CLEC4A: variants seen among roughly 807,000 people sequenced by gnomAD.
The protein encoded by CLEC4A is C-type (calcium dependent, carbohydrate-recognition domain) lectin, superfamily member 6.
CLEC4A carries 27 observed loss-of-function variants against 32.7 expected under a neutral mutation model. That is an observed-to-expected ratio of 0.83 (90% CI 0.61 to 1.14). The LOEUF is 1.14. Ranked by LOEUF, CLEC4A falls within the 50% of genes most tolerant of loss-of-function variation. The pLI is 0.00. For missense variants in CLEC4A, 253 were observed against 274.6 expected (o/e 0.92, Z 0.55); for synonymous variants, 89 against 93.7 (o/e 0.95, Z 0.29).
At chr12:8,103,183 T>G in the CLEC4A span, among the ~76,000 whole-genome samples, 2 of 152,116 alleles carry the variant, frequency 1.3e-5, no homozygotes, top group Non-Finnish European at 2.9e-5. Context: ...AGCTTACATG[T>G]TAACCCCAAA....
In CLEC4A at chr12:8,138,337, G is replaced by A. The variant is rs1364253128; in HGVS notation, c.*50G>A. The A allele has an allele frequency of 1.9e-6, 3 of 1,600,038 alleles. No homozygotes were observed. The highest frequency in any genetic ancestry group is 2.6e-6 in the Non-Finnish European group (3 of 1,169,616). On this transcript the variant is annotated 3_prime_UTR_variant, in exon 6 of 6. Transcript: ENST00000229332. ...GGTTGGATTGGTATCTGTCATTGTA[G>A]GGATAGATAATAAGCTCTTCTTATT...
At chr12:8,113,924 C>T in the CLEC4A span, among the ~76,000 whole-genome samples, 1 of 152,178 alleles carries the variant, frequency 6.6e-6, no homozygotes, top group Admixed American at 6.5e-5. Flanking sequence ...TTCCTTCCAT[C>T]ATTGGATCAG....
At chr12:8,103,373 G>GTGTT in the CLEC4A span, among the ~76,000 whole-genome samples, 1 of 78,036 alleles carries the variant, frequency 1.3e-5, no homozygotes, top group African/African-American at 5.5e-5. Context: ...GTTTCTTTCT[G>GTGTT]TTGTTTTTTT....
At chr12:8,110,511 A>G in the CLEC4A span, among the ~76,000 whole-genome samples, 7 of 152,102 alleles carry the variant, frequency 4.6e-5, no homozygotes, top group Non-Finnish European at 1.0e-4. Flanking sequence ...TTCTGCCTCA[A>G]ATACTTTTTT....
chr12:8,134,535 T>C, intron 3 of CLEC4A: 4 of 1,613,582 alleles, frequency 2.5e-6, no homozygotes, highest in Non-Finnish European at 3.4e-6. Flanking sequence ...CCCATCGGAG[T>C]TGCTCTCCAC....
At chr12:8,131,103 G>A (rs1008072650) in intron 3 of CLEC4A, among the ~76,000 whole-genome samples, 3 of 152,128 alleles carry the variant, frequency 2.0e-5, no homozygotes, top group African/African-American at 7.2e-5. Context: ...TGGGATTATT[G>A]GTTTTTGGGA....
intron 3 of CLEC4A, among the ~76,000 whole-genome samples, chr12:8,129,853 T>A (rs887867413): frequency 4.6e-5 from 7 of 152,222 alleles, no homozygotes. Flanking sequence ...GTTGTTTTTT[T>A]GAGACAGGGT....
At chr12:8,122,614 T>A (rs1355619821), upstream of CLEC4A, among the ~76,000 whole-genome samples, 2 of 151,898 alleles carry the variant, frequency 1.3e-5, no homozygotes, top group Admixed American at 1.3e-4. Flanking sequence ...ATTGACGACA[T>A]CCAGGAGATT....
intron 2 of CLEC4A, among the ~76,000 whole-genome samples, chr12:8,126,371 A>ATTTTTTTTT (rs55729993): frequency 8.6e-6 from 1 of 115,696 alleles, no homozygotes. Flanking sequence ...TGCTCAGCTA[A>ATTTTTTTTT]TTTTTTTTTT....
At chr12:8,118,693 A>T (rs1321229602), upstream of CLEC4A, among the ~76,000 whole-genome samples, 1 of 152,186 alleles carries the variant, frequency 6.6e-6, no homozygotes, top group Non-Finnish European at 1.5e-5. Flanking sequence ...GTCACCTCCT[A>T]CCAGGCCCAC....
chr12:8,104,157 A>C, the CLEC4A span, among the ~76,000 whole-genome samples: 7 of 85,720 alleles, frequency 8.2e-5, no homozygotes, highest in Admixed American at 1.6e-4. Context: ...CCATAGTGGC[A>C]GAAAATCTCA....
chr12:8,119,165 C>G (rs188407743), upstream of CLEC4A, among the ~76,000 whole-genome samples: 1 of 152,158 alleles, frequency 6.6e-6, no homozygotes, highest in African/African-American at 2.4e-5. Flanking sequence ...AATTAGCTAG[C>G]CTTGCTGCAA....
At chr12:8,115,666 G>T in the CLEC4A span, among the ~76,000 whole-genome samples, 1 of 152,158 alleles carries the variant, frequency 6.6e-6, no homozygotes, top group East Asian at 1.9e-4. Flanking sequence ...AGTTATATAG[G>T]TCTGAAGATG....
chr12:8,123,715 T>G lies in CLEC4A; in HGVS notation c.-164T>G. On this transcript the variant is annotated 5_prime_UTR_variant, in exon 1 of 6. The change abolishes an upstream ATG in the 5' untranslated region. Coordinates refer to ENST00000229332, the MANE Select transcript of CLEC4A (RefSeq NM_016184.4). ...TTTTTATTGTGGTTCTTAGTTCTCA[T>G]GAGACCCCTCTTGAGGATATGTGCC... 1.7e-6 allele frequency: 1 copy of G among 594,012 alleles called. No individual in the cohort carries two copies. Among genetic ancestry groups the G allele is most frequent in the South Asian group, 2.0e-5 (1 of 49,122 alleles). The allele number at this position is 594,012 out of a possible 1,614,324, so 36.8% of individuals were successfully genotyped here.
At chr12:8,120,586 A>G, upstream of CLEC4A, among the ~76,000 whole-genome samples, 1 of 152,186 alleles carries the variant, frequency 6.6e-6, no homozygotes, top group Non-Finnish European at 1.5e-5. Context: ...TTCCCTCATA[A>G]TAGGTACCAT....
At chr12:8,111,919 GTATA>G in the CLEC4A span, among the ~76,000 whole-genome samples, 183 of 132,244 alleles carry the variant, frequency 1.4e-3, no homozygotes, top group Middle Eastern at 3.8e-3. Flanking sequence ...ATGTGAGTGT[GTATA>G]TGTGTGTGTG....
chr12:8,136,796 C>T lies in CLEC4A; in HGVS notation c.459C>T (p.Ile153=). 6.2e-7 allele frequency: 1 copy of T among 1,609,794 alleles called. No individual in the cohort carries two copies. Residue 153 remains isoleucine (I), a synonymous_variant, in exon 5 of 6, where the codon ATC becomes ATT. Coordinates refer to ENST00000229332, the MANE Select transcript of CLEC4A (RefSeq NM_016184.4). ...VINTQEEQDF[I]FQNLQEESAY... is the part of the protein sequence containing the mutation. ...TTCTTTTCCCCCCTCAGGATTTCATCTTCCAGAATCTGCAAGAAGAATCTG... is the reference window on the plus strand; with the variant it reads ...TTCTTTTCCCCCCTCAGGATTTCATTTTCCAGAATCTGCAAGAAGAATCTG...
the CLEC4A span, among the ~76,000 whole-genome samples, chr12:8,116,362 A>G: frequency 6.6e-6 from 1 of 152,160 alleles, no homozygotes; most frequent in South Asian, 2.1e-4. Flanking sequence ...TTGGCTTCCC[A>G]AAGTGTGAGG....
At chr12:8,113,402 A>G in the CLEC4A span, among the ~76,000 whole-genome samples, 3 of 152,112 alleles carry the variant, frequency 2.0e-5, no homozygotes, top group African/African-American at 7.2e-5. Context: ...AATTGTTGAC[A>G]TTTTGACAAA....
Sources: allele counts gnomAD v4.1 joint callset (sites outside exome capture counted in the v4.1 genomes callset), GRCh38; gene constraint gnomAD v4.1.1; transcripts MANE v1.5; gene names NCBI Gene and HGNC (gene_info 2026-07-23, HGNC 2026-07-21).